The following NPSR1 variants were observed in gnomAD, a reference collection of about 807,000 sequenced individuals.
NPSR1 encodes the protein neuropeptide S receptor.
Under a neutral mutation model 46.9 loss-of-function variants are expected in NPSR1, and 48 were observed. The observed-to-expected ratio is 1.02, with a 90% confidence interval of 0.81 to 1.30. The LOEUF (loss-of-function observed/expected upper bound fraction) is 1.30. Among genes scored for constraint, NPSR1 ranks in the 50% most tolerant of loss-of-function variants. The probability of loss-of-function intolerance (pLI) is 0.00; values close to 1 mark genes in which losing one functional copy is unlikely to be tolerated. For missense variants in NPSR1, 450 were observed against 449.5 expected (o/e 1.00, Z -0.01); for synonymous variants, 176 against 168.1 (o/e 1.05, Z -0.36).
At chr7:34,664,435 G>A (rs1229573093) in intron 1 of NPSR1, among the ~76,000 whole-genome samples, 2 of 152,078 alleles carry the variant, frequency 1.3e-5, no homozygotes, top group Non-Finnish European at 2.9e-5. Context: ...CCAGGAATTC[G>A]TCATTCCACT....
intron 7 of NPSR1, 43 bp downstream of exon 7, chr7:34,845,025 C>A: frequency 7.1e-7 from 1 of 1,407,518 alleles, no homozygotes; most frequent in South Asian, 1.2e-5. Flanking sequence ...GTATGAACGT[C>A]CCAAAAGCAA....
At chr7:34,720,823 A>T (rs554961272) in intron 2 of NPSR1, among the ~76,000 whole-genome samples, 1 of 152,172 alleles carries the variant, frequency 6.6e-6, no homozygotes, top group African/African-American at 2.4e-5. Context: ...AGAGTAATTT[A>T]TTCACATATC....
chr7:34,685,774 C>T lies in NPSR1; in HGVS notation c.280+1090C>T, dbSNP rs138633609. The T allele has an allele frequency of 1.2e-4, 45 of 369,792 alleles. No individual in the cohort carries two copies. In the East Asian group the frequency reaches 4.7e-3, roughly 39 times the overall value. 22.9% of individuals were successfully genotyped at this position (369,792 alleles called of 1,614,324 possible). The stretch of plus-strand genomic sequence containing the variant: ...AGTATAACAAGCCCACCTGCTTGAG[C>T]TGGGCTGCAGTGGCCAGGGTAAACA... On this transcript the variant is annotated intron_variant, in intron 2 of 8. Coordinates refer to ENST00000360581, the MANE Select transcript of NPSR1 (RefSeq NM_207172.2).
chr7:34,797,582 CA>C (rs1054263163), intron 3 of NPSR1, among the ~76,000 whole-genome samples: 1 of 151,206 alleles, frequency 6.6e-6, no homozygotes, highest in African/African-American at 2.4e-5. Context: ...ACAGAAATAC[CA>C]AAAAAAGAAA....
intron 2 of NPSR1, among the ~76,000 whole-genome samples, chr7:34,694,628 TATTACAAATGCCATTTTTCAGAGA>T (rs1327726857): frequency 1.3e-5 from 2 of 152,230 alleles, no homozygotes; most frequent in African/African-American, 4.8e-5. Flanking sequence ...ATCCCTATCA[TATTACAAATGCCATTTTTCAGAGA>T]ATTAGTAAAA....
intron 8 of NPSR1, among the ~76,000 whole-genome samples, chr7:34,862,493 A>G (rs1190971663): frequency 1.3e-5 from 2 of 151,682 alleles, no homozygotes; most frequent in Non-Finnish European, 2.9e-5. Context: ...CATTCCTCCC[A>G]TAGCCATGGG....
intron 2 of NPSR1, among the ~76,000 whole-genome samples, chr7:34,713,009 C>T (rs1223004924): frequency 6.6e-6 from 1 of 152,174 alleles, no homozygotes; most frequent in Non-Finnish European, 1.5e-5. Context: ...TCTAGGAGAT[C>T]CATGTGAGCT....
chr7:34,680,943 T>G (rs1363546871), intron 1 of NPSR1, among the ~76,000 whole-genome samples: 1 of 150,426 alleles, frequency 6.6e-6, no homozygotes. Flanking sequence ...GATAAAGGTT[T>G]TTTTTTTTTT....
rs112253730 is a variant in NPSR1, at chr7:34,664,608, C to CT, written c.147+6057dup. On this transcript the variant is annotated intron_variant, in intron 1 of 8. Coordinates refer to ENST00000360581, the MANE Select transcript of NPSR1 (RefSeq NM_207172.2). ...GGTCATGAATTAAGCTGTTTCTTTT[C>CT]TTTTTTTTAAAAAAAAAAAATGAGA... Among the ~76,000 whole-genome samples, 546 of 101,346 alleles carry CT rather than the reference C, an allele frequency of 5.4e-3. 3 individuals carry two copies. The highest frequency in any genetic ancestry group is 5.9e-3 in the Non-Finnish European group (317 of 53,530). The allele number at this position is 101,346 out of a possible 152,430, so 66.5% of individuals were successfully genotyped here.
intron 3 of NPSR1, among the ~76,000 whole-genome samples, chr7:34,793,273 CA>C (rs1303843818): frequency 6.6e-6 from 1 of 151,992 alleles, no homozygotes; most frequent in African/African-American, 2.4e-5. Context: ...ATACAGTTTA[CA>C]GAATGGGAGA....
chr7:34,860,019 A>T (rs1447600728), intron 8 of NPSR1, among the ~76,000 whole-genome samples: 4 of 151,850 alleles, frequency 2.6e-5, no homozygotes, highest in African/African-American at 9.7e-5. Flanking sequence ...CCATCTAGAT[A>T]TCTGCTAGTA....
intron 2 of NPSR1, among the ~76,000 whole-genome samples, chr7:34,760,004 G>T (rs1786081753): frequency 6.6e-6 from 1 of 152,040 alleles, no homozygotes; most frequent in Admixed American, 6.5e-5. Context: ...CACCTTATCC[G>T]CCATCAGTTA....
chr7:34,809,593 A>G (rs1467531701), intron 3 of NPSR1, among the ~76,000 whole-genome samples: 2 of 150,694 alleles, frequency 1.3e-5, no homozygotes, highest in Non-Finnish European at 3.0e-5. Context: ...CCTCCCGAGT[A>G]GCTGGGACTA....
intron 3 of NPSR1, among the ~76,000 whole-genome samples, chr7:34,790,869 T>TTATATGTTATATTATATATCA (rs1562729743): frequency 1.5e-5 from 2 of 129,500 alleles, no homozygotes; most frequent in African/African-American, 6.4e-5. Context: ...GTTATATATG[T>TTATATGTTATATTATATATCA]TATATGTTAT....
chr7:34,719,842 T>C (rs1460090576), intron 2 of NPSR1: 2 of 152,110 alleles, frequency 1.3e-5, no homozygotes, highest in Non-Finnish European at 2.9e-5. Flanking sequence ...CTCATTATTA[T>C]GGAAAACCAC....
intron 2 of NPSR1, among the ~76,000 whole-genome samples, chr7:34,723,806 C>G (rs922860911): frequency 6.6e-6 from 1 of 152,072 alleles, no homozygotes; most frequent in East Asian, 1.9e-4. Context: ...GCACCCCGCT[C>G]AGCACTTTTT....
intron 8 of NPSR1, among the ~76,000 whole-genome samples, chr7:34,868,934 C>T (rs1447077491): frequency 6.6e-6 from 1 of 151,754 alleles, no homozygotes; most frequent in Non-Finnish European, 1.5e-5. Flanking sequence ...TGCAACAAGC[C>T]TGCTTGCAGA....
rs1302042569 is a variant in NPSR1, at chr7:34,699,323, A to AT, written c.280+14645dup. On this transcript the variant is annotated intron_variant, in intron 2 of 8. Transcript: ENST00000360581. ...AGTGAGACCCTGTCTCTACTAAAAA[A>AT]TTTTTTAAATTAAAAGTTAAAAAAT... 6.6e-5 allele frequency among the ~76,000 whole-genome samples: 10 copies of AT among 152,210 alleles called. 1 individual carries two copies. Among genetic ancestry groups the AT allele is most frequent in the Admixed American group, 5.2e-4 (8 of 15,282 alleles).
intron 4 of NPSR1, among the ~76,000 whole-genome samples, chr7:34,814,651 G>C (rs1313165985): frequency 6.6e-6 from 1 of 152,204 alleles, no homozygotes; most frequent in African/African-American, 2.4e-5. Flanking sequence ...GGGGCCAACA[G>C]ACACCTCATA....
Sources: allele counts gnomAD v4.1 joint callset (sites outside exome capture counted in the v4.1 genomes callset), GRCh38; gene constraint gnomAD v4.1.1; transcripts MANE v1.5; gene names NCBI Gene and HGNC (gene_info 2026-07-23, HGNC 2026-07-21).